The following SEPTIN9 variants were observed in gnomAD, a reference collection of about 807,000 sequenced individuals.
The protein encoded by SEPTIN9 is septin-9.
In SEPTIN9, 13 loss-of-function variants were observed where a neutral mutation model predicts 56.6. The ratio of observed to expected loss-of-function variants is 0.23; its 90% CI spans 0.15 to 0.37. SEPTIN9 has a LOEUF of 0.37. Ranked by LOEUF, SEPTIN9 falls within the 10% of genes least tolerant of loss-of-function variation. The pLI is 1.00. For missense variants in SEPTIN9, 650 were observed against 823.1 expected (o/e 0.79, Z 2.57); for synonymous variants, 332 against 334.1 (o/e 0.99, Z 0.07).
At chr17:77,489,012 G>A (rs2039917466) in intron 7 of SEPTIN9, 148 bp downstream of exon 7, 2 of 1,015,398 alleles carry the variant, frequency 2.0e-6, no homozygotes, top group Non-Finnish European at 2.9e-6. Flanking sequence ...AGTTGGGGGT[G>A]TGCCATGTCT....
At chr17:77,282,610 G>A (rs555791451) in intron 1 of SEPTIN9, among the ~76,000 whole-genome samples, 1 of 152,284 alleles carries the variant, frequency 6.6e-6, no homozygotes, top group South Asian at 2.1e-4. Context: ...GAGTGATAAA[G>A]TACCTTGTCT....
chr17:77,372,278 T>C (rs1331036232), intron 2 of SEPTIN9, among the ~76,000 whole-genome samples: 1 of 151,960 alleles, frequency 6.6e-6, no homozygotes, highest in African/African-American at 2.4e-5. Flanking sequence ...CCTCTCTCTC[T>C]TGTAGGTGAC....
intron 3 of SEPTIN9, among the ~76,000 whole-genome samples, chr17:77,462,650 T>G (rs181251482): frequency 1.6e-3 from 237 of 152,014 alleles, no homozygotes; most frequent in African/African-American, 5.3e-3. Flanking sequence ...TTTTGAGCAG[T>G]TTTTTTGTTT....
chr17:77,288,773 G>A (rs1401010990), intron 1 of SEPTIN9, among the ~76,000 whole-genome samples: 1 of 152,216 alleles, frequency 6.6e-6, no homozygotes, highest in East Asian at 1.9e-4. Context: ...CTTTAGCTCT[G>A]TAGCCACAGG....
intron 3 of SEPTIN9, among the ~76,000 whole-genome samples, chr17:77,458,562 T>C: frequency 6.6e-6 from 1 of 152,202 alleles, no homozygotes; most frequent in Non-Finnish European, 1.5e-5. Flanking sequence ...GAAAAATGGA[T>C]AATGATGGTT....
rs531410871 is a variant in SEPTIN9 at position 77,451,723 on chromosome 17, C to T, written c.722-30421C>T. Reference sequence around the variant, plus strand: ...GGTGGCGGGGAGCTCGATCTCCACGCGGGGACCAGATTTTCGGCCTCAAAA... The same window carrying T: ...GGTGGCGGGGAGCTCGATCTCCACGTGGGGACCAGATTTTCGGCCTCAAAA... On this transcript the variant is annotated intron_variant, in intron 3 of 11. Coordinates refer to ENST00000427177, the MANE Select transcript of SEPTIN9 (RefSeq NM_001113491.2). The surrounding 1 kb of genome is among the most constrained non-coding windows in gnomAD (Gnocchi z 4.2). Among the ~76,000 whole-genome samples, 198 of 152,288 alleles carry T rather than the reference C, an allele frequency of 1.3e-3. No individual in the cohort carries two copies. Among genetic ancestry groups the T allele is most frequent in the Middle Eastern group, 3.4e-3 (1 of 294 alleles).
At chr17:77,462,873 C>T (rs556764840) in intron 3 of SEPTIN9, among the ~76,000 whole-genome samples, 5 of 152,228 alleles carry the variant, frequency 3.3e-5, no homozygotes, top group African/African-American at 1.2e-4. Context: ...AACTCCTGAC[C>T]TCAAGTGATC....
Position 77,451,260 on chromosome 17 carries a change from T to TCTGCGC in SEPTIN9, c.722-30882_722-30877dup, listed in dbSNP as rs2037955267. The TCTGCGC allele has an allele frequency of 1.7e-6, 1 of 603,762 alleles. No homozygotes were observed. The highest frequency in any genetic ancestry group is 6.3e-5 in the Admixed American group (1 of 15,808). The allele number at this position is 603,762 out of a possible 1,614,324, so 37.4% of individuals were successfully genotyped here. ...GTCCCTCCCGTGCCTTCAGGTTGCT[T>TCTGCGC]CTGCGCCGGGCCTGCCGCTGGGCGC... On this transcript the variant is annotated intron_variant, in intron 3 of 11. Transcript: ENST00000427177. The surrounding 1 kb of genome is among the most constrained non-coding windows in gnomAD (Gnocchi z 4.2).
rs769912252 is a variant in SEPTIN9, at chr17:77,317,368, C to T, written c.76+10171C>T. 5.9e-5 allele frequency among the ~76,000 whole-genome samples: 9 copies of T among 152,200 alleles called. No homozygotes were observed. Among genetic ancestry groups the T allele is most frequent in the Admixed American group, 2.6e-4 (4 of 15,276 alleles). Reference sequence around the variant, plus strand: ...AGGAGGTGAGTGACTGGCAAGCGAGCGAAGCTTCATCTGTATTTACAGTCA... The same window carrying T: ...AGGAGGTGAGTGACTGGCAAGCGAGTGAAGCTTCATCTGTATTTACAGTCA... On this transcript the variant is annotated intron_variant, in intron 2 of 11. Transcript: ENST00000427177. This position sits in a 1 kb window ranked among gnomAD's most constrained non-coding sequence, Gnocchi z 4.2.
At chr17:77,324,819 A>ATTTTTT (rs71160225) in intron 2 of SEPTIN9, among the ~76,000 whole-genome samples, 3 of 130,310 alleles carry the variant, frequency 2.3e-5, no homozygotes, top group African/African-American at 5.9e-5. Context: ...TTGATATGCA[A>ATTTTTT]TTTTTTTTTT....
intron 11 of SEPTIN9, among the ~76,000 whole-genome samples, 195 bp from the exon 12 acceptor site, chr17:77,498,328 C>A (rs914445504): frequency 1.4e-4 from 21 of 152,024 alleles, no homozygotes; most frequent in Non-Finnish European, 2.8e-4. Context: ...ACTGACCCTT[C>A]CCCCAAAACG....
At chr17:77,351,573 C>A (rs751031868) in intron 2 of SEPTIN9, among the ~76,000 whole-genome samples, 1 of 152,172 alleles carries the variant, frequency 6.6e-6, no homozygotes, top group African/African-American at 2.4e-5. Flanking sequence ...GTGTGAGCTG[C>A]GGTCAGCAGG....
At chr17:77,404,849 C>T (rs923556280) in intron 3 of SEPTIN9, among the ~76,000 whole-genome samples, 1 of 152,306 alleles carries the variant, frequency 6.6e-6, no homozygotes, top group Non-Finnish European at 1.5e-5. Context: ...CTCTGAAGAG[C>T]CACCCTGCCC....
chr17:77,291,029 T>C (rs530417226), intron 1 of SEPTIN9, among the ~76,000 whole-genome samples: 43 of 132,488 alleles, frequency 3.2e-4, no homozygotes, highest in African/African-American at 1.3e-3. Context: ...CATGCCTGGC[T>C]AATTTTTTTT....
In SEPTIN9 at chr17:77,437,543, G is replaced by A. The variant is rs1483092113; in HGVS notation, c.721+34840G>A. Among the ~76,000 whole-genome samples the A allele has an allele frequency of 6.6e-6, 1 of 152,112 alleles. No homozygotes were observed. The highest frequency in any genetic ancestry group is 1.5e-5 in the Non-Finnish European group (1 of 68,016). On this transcript the variant is annotated intron_variant, in intron 3 of 11. Transcript: ENST00000427177. The surrounding 1 kb of genome is among the most constrained non-coding windows in gnomAD (Gnocchi z 5.3). ...CTCGAGAGGTCAGGAGGCTGCTCAA[G>A]ACCTTCTGCCCCTCAGGGACCAGGT...
At position 77,389,694 on chromosome 17, in the gene SEPTIN9, G is replaced by C. The variant is rs1205890787; in HGVS notation, c.77-12365G>C. ...CCTTCTGCTGCCTTCCACCAGGGAC[G>C]GAGGGTGGGCGGCCCTCCCACCCAG... On this transcript the variant is annotated intron_variant, in intron 2 of 11. Transcript: ENST00000427177. The surrounding 1 kb of genome is among the most constrained non-coding windows in gnomAD (Gnocchi z 4.3). 6.6e-6 allele frequency among the ~76,000 whole-genome samples: 1 copy of C among 151,684 alleles called. No homozygotes were observed. Among genetic ancestry groups the C allele is most frequent in the African/African-American group, 2.4e-5 (1 of 41,252 alleles).
At chr17:77,454,456 G>A (rs2038106631) in intron 3 of SEPTIN9, 2 of 839,082 alleles carry the variant, frequency 2.4e-6, no homozygotes, top group African/African-American at 1.8e-5. Context: ...CGCTGTACGT[G>A]TGAGTTTGTT....
rs1290255089 is a variant in SEPTIN9 at position 77,452,016 on chromosome 17, G to A, written c.722-30128G>A. Reference sequence around the variant, plus strand: ...AGATAGTCTCAATGCTCGAAATGCCGTAACCGAAGCTCCCCGCGGCGCCGG... The same window carrying A: ...AGATAGTCTCAATGCTCGAAATGCCATAACCGAAGCTCCCCGCGGCGCCGG... On this transcript the variant is annotated intron_variant, in intron 3 of 11. Transcript: ENST00000427177. 2.0e-5 allele frequency among the ~76,000 whole-genome samples: 3 copies of A among 152,336 alleles called. No homozygotes were observed. The East Asian group carries it at 5.8e-4, about 29-fold the overall frequency.
intron 2 of SEPTIN9, among the ~76,000 whole-genome samples, chr17:77,386,628 C>T (rs149882747): frequency 4.5e-4 from 68 of 152,312 alleles, no homozygotes; most frequent in African/African-American, 1.6e-3. Flanking sequence ...GAGGGGCCCT[C>T]TGTTGATGAG....
Sources: gnomAD v4.1 joint callset for allele counts (sites outside exome capture counted in the v4.1 genomes callset) on GRCh38, gnomAD v4.1.1 for gene constraint, Gnocchi (gnomAD v3.1) non-coding constraint, MANE v1.5 for transcripts, NCBI Gene and HGNC (gene_info 2026-07-23, HGNC 2026-07-21) for gene names.